The following ANKRD50 variants were observed in gnomAD, a reference collection of about 807,000 sequenced individuals.
ANKRD50 encodes the protein ankyrin repeat domain 50, also known as ankyrin repeat domain-containing protein 50.
Under a neutral mutation model 112.0 loss-of-function variants are expected in ANKRD50, and 40 were observed. The ratio of observed to expected loss-of-function variants is 0.36; its 90% CI spans 0.28 to 0.46. ANKRD50 has a LOEUF of 0.46. ANKRD50 is among the 20% of genes least tolerant of loss of function. The probability of loss-of-function intolerance (pLI) is 1.00; values close to 1 mark genes in which losing one functional copy is unlikely to be tolerated. For missense variants in ANKRD50, 1,487 were observed against 1,701.7 expected, an observed-to-expected ratio of 0.87 and a Z score of 2.22; for synonymous variants, 613 against 619.1, an observed-to-expected ratio of 0.99 and a Z score of 0.15.
chr4:124,705,271 C>T (rs1725480611), intron 2 of ANKRD50, among the ~76,000 whole-genome samples: 2 of 152,192 alleles, frequency 1.3e-5, no homozygotes, highest in Non-Finnish European at 2.9e-5. Flanking sequence ...TCCCAGTTTG[C>T]ACTCTTTTTC....
At chr4:124,686,872 A>C (rs1011171642) in intron 2 of ANKRD50, among the ~76,000 whole-genome samples, 1 of 152,096 alleles carries the variant, frequency 6.6e-6, no homozygotes, top group Non-Finnish European at 1.5e-5. Flanking sequence ...CAGCAACAAC[A>C]AATATCAAAT....
At chr4:124,692,983 G>A (rs1302651081) in intron 2 of ANKRD50, among the ~76,000 whole-genome samples, 1 of 152,120 alleles carries the variant, frequency 6.6e-6, no homozygotes, top group Non-Finnish European at 1.5e-5. Context: ...CACAGATGAA[G>A]AAACAAAGGT....
rs902874526 is a variant in ANKRD50, at chr4:124,678,731, T to C, written c.687A>G (p.Leu229=). The part of the protein sequence containing the change: ...AGHHEFFPPW[L]LLLCSARKQS... The stretch of plus-strand genomic sequence containing the variant: ...GCTTTCGGGCAGAACAGAGAAGCAA[T>C]AGCCATGGTGGAAAGAACTCATGGT... The change falls in exon 3 of 5, where the codon CTA becomes CTG. Residue 229 remains leucine (L), a synonymous_variant. Coordinates refer to ENST00000504087, the MANE Select transcript of ANKRD50 (RefSeq NM_020337.3). 3 of 1,613,700 alleles carry C rather than the reference T, an allele frequency of 1.9e-6. No homozygotes were observed. The highest frequency in any genetic ancestry group is 2.2e-5 in the East Asian group (1 of 44,858).
chr4:124,675,168 T>G (rs187147539), intron 3 of ANKRD50, among the ~76,000 whole-genome samples: 1 of 151,890 alleles, frequency 6.6e-6, no homozygotes, highest in Non-Finnish European at 1.5e-5. Flanking sequence ...TTTCTATTCT[T>G]ACTTGAACTT....
intron 2 of ANKRD50, among the ~76,000 whole-genome samples, chr4:124,702,298 G>C (rs1725409648): frequency 6.6e-6 from 1 of 152,138 alleles, no homozygotes. Context: ...AATGAATGAA[G>C]TAAGTAAATC....
At chr4:124,679,506 A>G (rs1724824565) in intron 2 of ANKRD50, among the ~76,000 whole-genome samples, 1 of 152,198 alleles carries the variant, frequency 6.6e-6, no homozygotes, top group South Asian at 2.1e-4. Flanking sequence ...TACTCCATTA[A>G]TTAATGCATT....
At chr4:124,708,151 T>C (rs945766922) in intron 2 of ANKRD50, among the ~76,000 whole-genome samples, 2 of 152,170 alleles carry the variant, frequency 1.3e-5, no homozygotes, top group Non-Finnish European at 2.9e-5. Flanking sequence ...CACTAGTATC[T>C]TCAGAAAAAG....
At chr4:124,682,747 T>TA (rs1724922455) in intron 2 of ANKRD50, among the ~76,000 whole-genome samples, 1 of 151,482 alleles carries the variant, frequency 6.6e-6, no homozygotes, top group South Asian at 2.1e-4. Flanking sequence ...TAATTTTTTT[T>TA]ATATTTAAGC....
In ANKRD50 at chr4:124,682,175, G is replaced by GT. The variant is rs374824787; in HGVS notation, c.513-3271_513-3270insA. ...ACTAAAAATACAAAAAATTAGCCGG[G>GT]CGCGGTGGCAGGCGCCTGTAGTCCC... On this transcript the variant is annotated intron_variant, in intron 2 of 4. Coordinates refer to ENST00000504087, the MANE Select transcript of ANKRD50 (RefSeq NM_020337.3). Among the ~76,000 whole-genome samples the GT allele has an allele frequency of 3.1e-3, 466 of 151,880 alleles. 1 individual carries two copies. Among genetic ancestry groups the GT allele is most frequent in the African/African-American group, 0.011 (440 of 41,414 alleles).
Position 124,698,785 on chromosome 4 carries a change from T to C in ANKRD50, c.512+11215A>G, listed in dbSNP as rs10470921. The stretch of plus-strand genomic sequence containing the variant: ...TTTTGTTAGGATTGTATTGAATCTA[T>C]AGGTTATTTTGTGGGAATTGGCCTG... On this transcript the variant is annotated intron_variant, in intron 2 of 4. Coordinates refer to ENST00000504087, the MANE Select transcript of ANKRD50 (RefSeq NM_020337.3). Among the ~76,000 whole-genome samples, 329 of 152,302 alleles carry C rather than the reference T, an allele frequency of 2.2e-3. 1 individual carries two copies. The highest frequency in any genetic ancestry group is 7.3e-3 in the African/African-American group (302 of 41,566).
chr4:124,673,831 A>C, intron 3 of ANKRD50, among the ~76,000 whole-genome samples: 1 of 152,250 alleles, frequency 6.6e-6, no homozygotes, highest in South Asian at 2.1e-4. Context: ...CAGTTGTACT[A>C]ATATAGCCCT....
intron 2 of ANKRD50, among the ~76,000 whole-genome samples, chr4:124,695,868 T>A (rs1725240907): frequency 6.6e-6 from 1 of 152,180 alleles, no homozygotes; most frequent in African/African-American, 2.4e-5. Context: ...CCTGACTGCA[T>A]CAGCCCCTCA....
rs772106197 is a variant in ANKRD50, at chr4:124,669,204, CTCT to C, written c.4070_4072del (p.Lys1357del). On this transcript the variant is annotated inframe_deletion, in exon 4 of 5. Coordinates refer to ENST00000504087, the MANE Select transcript of ANKRD50 (RefSeq NM_020337.3). ...ATTTGGATTTGTCATTATTCCATTT[CTCT>C]TCTTCTGTTCCCCACTTTGTTGGTG... is the stretch of plus-strand genomic sequence containing the variant. 12 of 1,613,524 alleles carry C rather than the reference CTCT, an allele frequency of 7.4e-6. No individual in the cohort carries two copies. The highest frequency in any genetic ancestry group is 5.3e-5 in the African/African-American group (4 of 74,838).
chr4:124,712,325 A>C (rs1016232037), intron 1 of ANKRD50, 133 bp downstream of exon 1: 2 of 152,456 alleles, frequency 1.3e-5, no homozygotes, highest in Non-Finnish European at 2.9e-5. Flanking sequence ...GGTGCGAGGG[A>C]AGAGGGCAAA....
In ANKRD50 at chr4:124,679,843, G is replaced by A. The variant is rs947344796; in HGVS notation, c.513-938C>T. ...GTAGGCCAACCTACCTCAATTCTTC[G>A]TCTCTTTTACCTGGGCTACCCTAAC... On this transcript the variant is annotated intron_variant, in intron 2 of 4. Coordinates refer to ENST00000504087, the MANE Select transcript of ANKRD50 (RefSeq NM_020337.3). Among the ~76,000 whole-genome samples, 14 of 152,034 alleles carry A rather than the reference G, an allele frequency of 9.2e-5. No individual in the cohort carries two copies. In the East Asian group the frequency reaches 1.5e-3, roughly 17 times the overall value.
At chr4:124,705,024 G>A (rs1203017782) in intron 2 of ANKRD50, among the ~76,000 whole-genome samples, 2 of 152,066 alleles carry the variant, frequency 1.3e-5, no homozygotes, top group African/African-American at 4.8e-5. Flanking sequence ...AACCCGAGAG[G>A]CGGAGCTTGT....
rs910103959 is a variant in ANKRD50, at chr4:124,671,450, T to C, written c.1827A>G (p.Gln609=). 3 of 1,613,716 alleles carry C rather than the reference T, an allele frequency of 1.9e-6. No individual in the cohort carries two copies. Among genetic ancestry groups the C allele is most frequent in the East Asian group, 2.2e-5 (1 of 44,850 alleles). The change falls in exon 4 of 5, where the codon CAA becomes CAG. Residue 609 remains glutamine, a synonymous_variant. Coordinates refer to ENST00000504087, the MANE Select transcript of ANKRD50 (RefSeq NM_020337.3). The part of the protein sequence containing the change: ...GCGANINHTD[Q]DGWTALRSAA... ...CAGATCTTAATGCTGTCCAACCATC[T>C]TGATCAGTATGATTAATATTTGCTC...
intron 2 of ANKRD50, among the ~76,000 whole-genome samples, chr4:124,697,870 C>G (rs567691842): frequency 6.6e-6 from 1 of 151,568 alleles, no homozygotes; most frequent in Admixed American, 6.6e-5. Flanking sequence ...TGAGTTATGT[C>G]AGGTATTTCT....
In ANKRD50 at chr4:124,678,922, CA is replaced by C. The variant is rs1297529548; in HGVS notation, c.513-18del. 1 of 1,537,780 alleles carries C rather than the reference CA, an allele frequency of 6.5e-7. No homozygotes were observed. The highest frequency in any genetic ancestry group is 1.7e-5 in the Admixed American group (1 of 57,700). On this transcript the variant is annotated intron_variant, in intron 2 of 4. Transcript: ENST00000504087. ...AGAACACACCTGTAAAACACATACA[CA>C]TGAGCATTTTGAATGTTAAGTGGCT...
Sources: gnomAD v4.1 joint callset for allele counts (sites outside exome capture counted in the v4.1 genomes callset) on GRCh38, gnomAD v4.1.1 for gene constraint, MANE v1.5 for transcripts, NCBI Gene and HGNC (gene_info 2026-07-23, HGNC 2026-07-21) for gene names.